SEMA4F: variants seen among roughly 807,000 people sequenced by gnomAD.
SEMA4F encodes the protein ssemaphorin 4F.
Under a neutral mutation model 78.4 loss-of-function variants are expected in SEMA4F, and 51 were observed. That is an observed-to-expected ratio of 0.65 (90% CI 0.52 to 0.82). The LOEUF is 0.82. Among genes scored for constraint, SEMA4F ranks in the 40% least tolerant of loss-of-function variants. The pLI, the probability that SEMA4F is intolerant of heterozygous loss-of-function variation, is 0.00. For synonymous variants in SEMA4F, 418 were observed against 408.7 expected, an observed-to-expected ratio of 1.02 and a Z score of -0.27; for missense variants, 938 against 1,014.4, an observed-to-expected ratio of 0.92 and a Z score of 1.02.
At chr2:74,654,781 C>G (rs1022761443) in intron 1 of SEMA4F, among the ~76,000 whole-genome samples, 1 of 152,198 alleles carries the variant, frequency 6.6e-6, no homozygotes, top group Non-Finnish European at 1.5e-5. Context: ...GCTGCACCAG[C>G]GGGCCCTATT....
the SEMA4F span, among the ~76,000 whole-genome samples, chr2:74,695,101 C>T: frequency 6.6e-6 from 1 of 152,080 alleles, no homozygotes; most frequent in Non-Finnish European, 1.5e-5. Context: ...TGTTTTTGAA[C>T]TAAAATGGTT....
At position 74,681,222 on chromosome 2, in the gene SEMA4F, A is replaced by G. The variant is rs889969263; in HGVS notation, c.*1013A>G. On this transcript the variant is annotated 3_prime_UTR_variant, in exon 14 of 14. Transcript: ENST00000357877. ...AAAGATACGTTTGCAATCAGTGACTACTCAGGGTGACACCCTTGCCCTAAA... is the reference window on the plus strand; with the variant it reads ...AAAGATACGTTTGCAATCAGTGACTGCTCAGGGTGACACCCTTGCCCTAAA... 6.6e-6 allele frequency: 1 copy of G among 152,582 alleles called. No individual in the cohort carries two copies. Among genetic ancestry groups the G allele is most frequent in the Admixed American group, 6.5e-5 (1 of 15,280 alleles). 9.5% of individuals were successfully genotyped at this position (152,582 alleles called of 1,614,324 possible).
rs373571333 is a variant in SEMA4F at position 74,674,488 on chromosome 2, G to T, written c.823-10G>T. ...TCTAAAGAGAACCTCCCATGTGTTT[G>T]TCACCCCAGGGGGACCTCGGGGGCC... is the stretch of plus-strand genomic sequence containing the variant. On this transcript the variant is annotated splice_polypyrimidine_tract_variant and intron_variant, in intron 7 of 13. Coordinates refer to ENST00000357877, the MANE Select transcript of SEMA4F (RefSeq NM_004263.5). The T allele has an allele frequency of 6.2e-7, 1 of 1,603,742 alleles. No homozygotes were observed. Among genetic ancestry groups the T allele is most frequent in the South Asian group, 1.1e-5 (1 of 89,802 alleles).
chr2:74,676,361 T>C (rs535881948), intron 12 of SEMA4F, among the ~76,000 whole-genome samples: 1 of 152,222 alleles, frequency 6.6e-6, no homozygotes. Context: ...TCATGCACTC[T>C]CTAGGCAGTT....
intron 5 of SEMA4F, among the ~76,000 whole-genome samples, chr2:74,672,657 C>T (rs1012151904): frequency 5.3e-5 from 8 of 152,192 alleles, no homozygotes; most frequent in Non-Finnish European, 2.9e-5. Context: ...ATTCAACCCA[C>T]AGAGCTGAAC....
Position 74,675,784 on chromosome 2 carries a change from A to G in SEMA4F, c.1518A>G (p.Thr506=), listed in dbSNP as rs113741581. ...WLLVGSRTEV[T]QVNTTNCGRL... ...TGGTTGGCTCCCGTACTGAGGTGAC[A>G]CAAGTGAATACAACCAACTGTGGCC... Residue 506 remains threonine (T), a synonymous_variant, in exon 12 of 14, where the codon ACA becomes ACG. Coordinates refer to ENST00000357877, the MANE Select transcript of SEMA4F (RefSeq NM_004263.5). 2.3e-4 allele frequency: 365 copies of G among 1,614,086 alleles called. 1 individual carries two copies. Among genetic ancestry groups the G allele is most frequent in the Non-Finnish European group, 2.7e-4 (324 of 1,180,038 alleles).
the SEMA4F span, among the ~76,000 whole-genome samples, chr2:74,692,587 G>A: frequency 6.6e-6 from 1 of 152,238 alleles, no homozygotes; most frequent in African/African-American, 2.4e-5. Flanking sequence ...CTTCACTCAG[G>A]CAAGGTGGGC....
intron 1 of SEMA4F, 24 bp downstream of exon 1, chr2:74,654,545 T>C: frequency 6.6e-7 from 1 of 1,522,192 alleles, no homozygotes; most frequent in South Asian, 1.2e-5. Flanking sequence ...GCCCACGCCC[T>C]CAGCCCTTCG....
Position 74,654,326 on chromosome 2 carries a change from C to T in SEMA4F, c.-51C>T, listed in dbSNP as rs572721701. 3.6e-5 allele frequency: 51 copies of T among 1,413,218 alleles called. No individual in the cohort carries two copies. The South Asian group carries it at 6.6e-4, about 18-fold the overall frequency. The allele number at this position is 1,413,218 out of a possible 1,614,324, so 87.5% of individuals were successfully genotyped here. On this transcript the variant is annotated 5_prime_UTR_variant, in exon 1 of 14. Coordinates refer to ENST00000357877, the MANE Select transcript of SEMA4F (RefSeq NM_004263.5). ...GGCCGAGGCCAGTAGCCCCGGGGCC[C>T]TGAGCAGAGGCCGTAGCTTGCGCCG...
the SEMA4F span, among the ~76,000 whole-genome samples, chr2:74,691,439 C>T: frequency 6.6e-6 from 1 of 152,182 alleles, no homozygotes; most frequent in Admixed American, 6.5e-5. Flanking sequence ...GAAGGTGACT[C>T]ATGTTTGCAT....
intron 2 of SEMA4F, 121 bp from the exon 3 acceptor site, chr2:74,657,444 C>T: frequency 3.7e-6 from 3 of 821,694 alleles, no homozygotes; most frequent in Non-Finnish European, 2.0e-6. Context: ...AAACAATGCT[C>T]TAGGGGGACT....
Position 74,679,279 on chromosome 2 carries a change from G to C in SEMA4F, c.1647G>C (p.Leu549Phe), listed in dbSNP as rs781294293. Residue 549 changes from leucine to phenylalanine, a missense_variant, in exon 13 of 14, where the codon TTG becomes TTC. Coordinates refer to ENST00000357877, the MANE Select transcript of SEMA4F (RefSeq NM_004263.5). Reference protein sequence around the residue: ...CVAHAGEHRGLVQDIESADVS... With the variant: ...CVAHAGEHRGFVQDIESADVS... ...CCAAGCATTCTCTTCTTTATAGGTT[G>C]GTCCAAGACATAGAGTCAGCAGATG... 8.7e-6 allele frequency: 14 copies of C among 1,611,708 alleles called. No homozygotes were observed. The highest frequency in any genetic ancestry group is 1.3e-5 in the African/African-American group (1 of 74,862).
At chr2:74,707,067 T>A in the SEMA4F span, among the ~76,000 whole-genome samples, 1 of 138,554 alleles carries the variant, frequency 7.2e-6, no homozygotes, top group South Asian at 2.2e-4. Flanking sequence ...AAATATATTT[T>A]AAAAATATGT....
chr2:74,655,595 T>A (rs6748602), intron 1 of SEMA4F, among the ~76,000 whole-genome samples: 7,432 of 152,226 alleles, frequency 0.049, 630 homozygotes, highest in African/African-American at 0.17. Context: ...GGCCAGAGCC[T>A]GGGGTTTCAG....
In SEMA4F at chr2:74,657,968, G is replaced by T. The variant is rs6760992; in HGVS notation, c.456+17G>T. ...GGGGTTATTGTGAGTGACGGTGTGG[G>T]AGGAGAGGGAGAGGGTGCCTGCACC... On this transcript the variant is annotated intron_variant, in intron 4 of 13. Transcript: ENST00000357877. The T allele has an allele frequency of 9.2e-3, 14,747 of 1,609,290 alleles. 1,169 individuals carry two copies. In the African/African-American group the frequency reaches 0.17, roughly 19 times the overall value.
chr2:74,656,562 A>G lies in SEMA4F; in HGVS notation c.174A>G (p.Ala58=). ...CTGACTCCTGTCTCACCCGGTTCGC[A>G]GTCCCTCACACATACAATTACTCTG... ...SEADSCLTRF[A]VPHTYNYSVL... The change falls in exon 2 of 14, where the codon GCA becomes GCG. Residue 58 remains alanine, a synonymous_variant. Coordinates refer to ENST00000357877, the MANE Select transcript of SEMA4F (RefSeq NM_004263.5). The G allele has an allele frequency of 6.2e-7, 1 of 1,613,964 alleles. No homozygotes were observed. Among genetic ancestry groups the G allele is most frequent in the Non-Finnish European group, 8.5e-7 (1 of 1,179,924 alleles).
chr2:74,674,577 A>T lies in SEMA4F; in HGVS notation c.902A>T (p.Glu301Val). Reference sequence around the variant, plus strand: ...GCTGACCTGCTCTGTCCAGGGCCTGAGCATGGCCGGGCCTCCAGTGTCCTG... The same window carrying T: ...GCTGACCTGCTCTGTCCAGGGCCTGTGCATGGCCGGGCCTCCAGTGTCCTG... ...LKADLLCPGP[E>V]HGRASSVLQD... is the part of the protein sequence containing the mutation. Residue 301 changes from glutamate (E) to valine (V), a missense_variant, in exon 8 of 14, where the codon GAG (glutamate) becomes GTG (valine). Physicochemically the swap from Glu to Val is moderately radical, Grantham distance 121. Coordinates refer to ENST00000357877, the MANE Select transcript of SEMA4F (RefSeq NM_004263.5). 1 of 1,614,108 alleles carries T rather than the reference A, an allele frequency of 6.2e-7. No homozygotes were observed. Among genetic ancestry groups the T allele is most frequent in the Non-Finnish European group, 8.5e-7 (1 of 1,180,010 alleles).
At position 74,675,238 on chromosome 2, in the gene SEMA4F, G is replaced by A. The variant is rs1685204946; in HGVS notation, c.1226G>A (p.Arg409Gln). ...SLPDRVLTFIRDHPLMDRPVF... is the reference protein window; with the variant it reads ...SLPDRVLTFIQDHPLMDRPVF... ...CCTGACCGCGTACTCACCTTCATCC[G>A]GGACCACCCACTCATGGACAGGCCA... Residue 409 changes from arginine to glutamine, a missense_variant, in exon 10 of 14, where the codon CGG (arginine) becomes CAG (glutamine). Transcript: ENST00000357877. The A allele has an allele frequency of 7.4e-6, 12 of 1,614,002 alleles. No individual in the cohort carries two copies. The highest frequency in any genetic ancestry group is 1.7e-5 in the Admixed American group (1 of 59,996).
Position 74,679,849 on chromosome 2 carries a change from T to G in SEMA4F, c.1953T>G (p.Asp651Glu), listed in dbSNP as rs150809463. ...AYSLVWGSQR[D>E]APSRAHTVGA... ...GCTTGGTATGGGGCAGCCAGCGAGA[T>G]GCTCCGAGCCGGGCCCACACAGTGG... is the stretch of plus-strand genomic sequence containing the variant. The change falls in exon 14 of 14, where the codon GAT becomes GAG. Residue 651 changes from aspartate to glutamate, a missense_variant. By Grantham distance (45) the Asp-to-Glu change is conservative (BLOSUM62 2). Transcript: ENST00000357877. 3.7e-6 allele frequency: 6 copies of G among 1,614,070 alleles called. No homozygotes were observed. Among genetic ancestry groups the G allele is most frequent in the Non-Finnish European group, 4.2e-6 (5 of 1,180,022 alleles).
Sources: allele counts gnomAD v4.1 joint callset (sites outside exome capture counted in the v4.1 genomes callset), GRCh38; gene constraint gnomAD v4.1.1; transcripts MANE v1.5; gene names NCBI Gene and HGNC (gene_info 2026-07-23, HGNC 2026-07-21).